GABRG3: variants seen among roughly 807,000 people sequenced by gnomAD.
The protein encoded by GABRG3 is gamma-aminobutyric acid type A receptor subunit gamma3.
GABRG3 carries 25 observed loss-of-function variants against 48.8 expected under a neutral mutation model. The observed-to-expected ratio is 0.51, with a 90% confidence interval of 0.37 to 0.72. GABRG3 has a LOEUF of 0.72. GABRG3 is among the 30% of genes least tolerant of loss of function. The pLI, the probability that GABRG3 is intolerant of heterozygous loss-of-function variation, is 0.00. For synonymous variants in GABRG3, 227 were observed against 217.6 expected, an observed-to-expected ratio of 1.04 and a Z score of -0.38; for missense variants, 394 against 577.9, an observed-to-expected ratio of 0.68 and a Z score of 3.26.
At chr15:27,045,828 G>A (rs1034668836) in intron 3 of GABRG3, among the ~76,000 whole-genome samples, 3 of 152,180 alleles carry the variant, frequency 2.0e-5, no homozygotes, top group South Asian at 4.1e-4. Context: ...CGGAGGCAGC[G>A]TGGGCTCTGC....
chr15:27,055,293 T>C (rs1267830326), intron 3 of GABRG3, among the ~76,000 whole-genome samples: 1 of 152,134 alleles, frequency 6.6e-6, no homozygotes. Context: ...GAAAGACCAA[T>C]CAGTACAAAA....
rs1285062602 is a variant in GABRG3 at position 27,026,737 on chromosome 15, T to C, written c.203-17T>C. 7.5e-6 allele frequency: 12 copies of C among 1,599,768 alleles called. No homozygotes were observed. Among genetic ancestry groups the C allele is most frequent in the East Asian group, 2.2e-5 (1 of 44,754 alleles). On this transcript the variant is annotated splice_polypyrimidine_tract_variant and intron_variant, in intron 2 of 9. Transcript: ENST00000615808. ...CTCCGGCACGAAGTATTAACATACA[T>C]GTATTTTTCTCCACAGTAAAACCGA...
At chr15:27,279,414 T>G (rs1384743217) in intron 3 of GABRG3, among the ~76,000 whole-genome samples, 1 of 152,224 alleles carries the variant, frequency 6.6e-6, no homozygotes, top group Non-Finnish European at 1.5e-5. Context: ...TTTAAGTCCA[T>G]GATCAATTTT....
chr15:27,518,369 C>CAAAAAA (rs3058095), intron 6 of GABRG3, among the ~76,000 whole-genome samples: 8,106 of 126,746 alleles, frequency 0.064, 908 homozygotes, highest in African/African-American at 0.23. Context: ...AACTCTGTCT[C>CAAAAAA]AAAAAAAAAA....
intron 3 of GABRG3, among the ~76,000 whole-genome samples, chr15:27,067,277 A>G (rs906886582): frequency 1.3e-5 from 2 of 152,096 alleles, no homozygotes; most frequent in Admixed American, 6.5e-5. Context: ...CTTCTCCTGG[A>G]AGTTCGTGTC....
chr15:27,043,397 A>G (rs940451090), intron 3 of GABRG3, among the ~76,000 whole-genome samples: 3 of 152,204 alleles, frequency 2.0e-5, no homozygotes, highest in Non-Finnish European at 4.4e-5. Context: ...CAACTCACTC[A>G]TGTTCTATAT....
intron 3 of GABRG3, among the ~76,000 whole-genome samples, chr15:27,313,262 G>GTGTATA (rs1430430961): frequency 3.2e-4 from 11 of 34,542 alleles, no homozygotes; most frequent in African/African-American, 7.2e-4. Flanking sequence ...GTGTGTGTGT[G>GTGTATA]TATATATATA....
intron 2 of GABRG3, among the ~76,000 whole-genome samples, chr15:26,997,546 A>G (rs1229164498): frequency 6.6e-6 from 1 of 152,172 alleles, no homozygotes; most frequent in East Asian, 1.9e-4. Context: ...TAATCCCAAG[A>G]AGTCTACTTC....
intron 3 of GABRG3, among the ~76,000 whole-genome samples, chr15:27,205,811 T>C (rs1400508363): frequency 6.6e-6 from 1 of 152,044 alleles, no homozygotes; most frequent in Non-Finnish European, 1.5e-5. Flanking sequence ...GTTTTATGTT[T>C]CCAGGAATTT....
chr15:27,307,006 G>GGTTATATATAAACATA (rs1566769766), intron 3 of GABRG3, among the ~76,000 whole-genome samples: 2 of 78,598 alleles, frequency 2.5e-5, no homozygotes, highest in Admixed American at 2.6e-4. Flanking sequence ...ATATAAACAT[G>GGTTATATATAAACATA]TATAAACATG....
chr15:26,984,033 C>T lies in GABRG3; in HGVS notation c.202+6883C>T, dbSNP rs144488598. On this transcript the variant is annotated intron_variant, in intron 2 of 9. Transcript: ENST00000615808. ...TGTCGCCCCCTACAGGAAGCCCTCC[C>T]TCATTTCGTGTCCCTTCCCCACCTC... Among the ~76,000 whole-genome samples, 101 of 152,240 alleles carry T rather than the reference C, an allele frequency of 6.6e-4. No individual in the cohort carries two copies. In the East Asian group the frequency reaches 0.015, roughly 23 times the overall value.
Position 26,971,539 on chromosome 15 carries a change from GC to G in GABRG3, c.8del (p.Pro3ArgfsTer45). Reference sequence around the variant, plus strand: ...GCGCCCCGAGCTCCACGGCACCATGGCCCCGAAGCTGCTGCTCCTCCTCTGC... The same window carrying G: ...GCGCCCCGAGCTCCACGGCACCATGGCCCGAAGCTGCTGCTCCTCCTCTGC... MAPKLLLLLCLF... is the reference protein window; with the variant it reads MXPKLLLLLCLF... On this transcript the variant is annotated frameshift_variant, in exon 1 of 10. Coordinates refer to ENST00000615808, the MANE Select transcript of GABRG3 (RefSeq NM_033223.5). LOFTEE classifies it high-confidence loss of function. 6.5e-7 allele frequency: 1 copy of G among 1,528,174 alleles called. No homozygotes were observed. Among genetic ancestry groups the G allele is most frequent in the Non-Finnish European group, 8.8e-7 (1 of 1,138,298 alleles). 94.7% of individuals were successfully genotyped at this position (1,528,174 alleles called of 1,614,324 possible).
rs577663698 is a variant in GABRG3, at chr15:27,378,105, C to T, written c.574+49217C>T. Reference sequence around the variant, plus strand: ...GTACTATGTATGATATCCCTTCCTACGGAAAGAAAAAAAAAAACATTTTAG... The same window carrying T: ...GTACTATGTATGATATCCCTTCCTATGGAAAGAAAAAAAAAAACATTTTAG... On this transcript the variant is annotated intron_variant, in intron 5 of 9. Transcript: ENST00000615808. Among the ~76,000 whole-genome samples, 60 of 151,028 alleles carry T rather than the reference C, an allele frequency of 4.0e-4. No homozygotes were observed. The Middle Eastern group carries it at 0.01, about 26-fold the overall frequency.
chr15:27,142,488 A>G (rs1898122534), intron 3 of GABRG3, among the ~76,000 whole-genome samples: 1 of 152,188 alleles, frequency 6.6e-6, no homozygotes, highest in African/African-American at 2.4e-5. Flanking sequence ...CACTACCATG[A>G]AAACAGTATG....
In GABRG3 at chr15:27,447,796, A is replaced by G. The variant is rs930850524; in HGVS notation, c.575-32854A>G. Among the ~76,000 whole-genome samples the G allele has an allele frequency of 6.6e-6, 1 of 152,188 alleles. No homozygotes were observed. Among genetic ancestry groups the G allele is most frequent in the African/African-American group, 2.4e-5 (1 of 41,452 alleles). ...TGTTCTCACTCATAAGTGGGAGTTGAACAATGAGAACACATGGACACAGGG... is the reference window on the plus strand; with the variant it reads ...TGTTCTCACTCATAAGTGGGAGTTGGACAATGAGAACACATGGACACAGGG... On this transcript the variant is annotated intron_variant, in intron 5 of 9. Transcript: ENST00000615808. The surrounding 1 kb of genome is among the most constrained non-coding windows in gnomAD (Gnocchi z 4.0).
intron 3 of GABRG3, among the ~76,000 whole-genome samples, chr15:27,160,441 C>A (rs1156726168): frequency 6.6e-6 from 1 of 152,106 alleles, no homozygotes; most frequent in Non-Finnish European, 1.5e-5. Context: ...TATGTAAAGT[C>A]ATTTGATTAT....
intron 3 of GABRG3, among the ~76,000 whole-genome samples, chr15:27,239,896 G>A (rs1246878320): frequency 1.3e-5 from 2 of 152,106 alleles, no homozygotes; most frequent in African/African-American, 4.8e-5. Flanking sequence ...TTATAAACCA[G>A]TACTAATTTA....
At chr15:27,456,802 C>A in intron 5 of GABRG3, among the ~76,000 whole-genome samples, 1 of 152,156 alleles carries the variant, frequency 6.6e-6, no homozygotes, top group East Asian at 1.9e-4. Context: ...TTGATCAGGG[C>A]CCCTCCCTAG....
chr15:27,251,824 G>A (rs1403009016), intron 3 of GABRG3, among the ~76,000 whole-genome samples: 1 of 152,178 alleles, frequency 6.6e-6, no homozygotes, highest in Non-Finnish European at 1.5e-5. Flanking sequence ...CAGGACAGAG[G>A]GGGCTGGAGG....
Sources: gnomAD v4.1 joint callset for allele counts (sites outside exome capture counted in the v4.1 genomes callset) on GRCh38, gnomAD v4.1.1 for gene constraint, Gnocchi (gnomAD v3.1) non-coding constraint, MANE v1.5 for transcripts, NCBI Gene and HGNC (gene_info 2026-07-23, HGNC 2026-07-21) for gene names.